PLD5: variants seen among roughly 807,000 people sequenced by gnomAD.
The protein encoded by PLD5 is inactive phospholipase D5.
In PLD5, 36 loss-of-function variants were observed where a neutral mutation model predicts 61.1. That is an observed-to-expected ratio of 0.59 (90% CI 0.45 to 0.78). The LOEUF (loss-of-function observed/expected upper bound fraction) is 0.78, where lower values mean the gene tolerates loss of function less well. Among genes scored for constraint, PLD5 ranks in the 30% least tolerant of loss-of-function variants. The pLI is 0.00. For synonymous variants in PLD5, 243 were observed against 242.8 expected (o/e 1.00, Z -0.01); for missense variants, 515 against 644.4 (o/e 0.80, Z 2.17).
chr1:242,372,004 T>C (rs971254566), intron 1 of PLD5, among the ~76,000 whole-genome samples: 1 of 152,096 alleles, frequency 6.6e-6, no homozygotes, highest in Non-Finnish European at 1.5e-5. Context: ...CTCCTAATGC[T>C]ATCCCTCCTA....
At position 242,395,567 on chromosome 1, in the gene PLD5, T is replaced by C. The variant is rs573804494; in HGVS notation, c.190-47325A>G. The stretch of plus-strand genomic sequence containing the variant: ...ACAAGCAAATCATTTGTACTAACTA[T>C]TGGAGATATTGCAAGGTTTAGAGGG... On this transcript the variant is annotated intron_variant, in intron 1 of 9. Coordinates refer to ENST00000536534, the MANE Select transcript of PLD5 (RefSeq NM_001372062.1). Among the ~76,000 whole-genome samples the C allele has an allele frequency of 2.6e-5, 4 of 152,268 alleles. No homozygotes were observed. In the South Asian group the frequency reaches 8.3e-4, roughly 32 times the overall value.
At chr1:242,104,533 G>C (rs1660905790) in intron 8 of PLD5, among the ~76,000 whole-genome samples, 1 of 152,164 alleles carries the variant, frequency 6.6e-6, no homozygotes, top group African/African-American at 2.4e-5. Context: ...ATGTTTAAGA[G>C]CTCAGGTTCT....
At chr1:242,464,867 G>A (rs1667226346) in intron 1 of PLD5, among the ~76,000 whole-genome samples, 1 of 152,176 alleles carries the variant, frequency 6.6e-6, no homozygotes, top group Admixed American at 6.5e-5. Flanking sequence ...AGACTTTGAA[G>A]ACATTATGCT....
At chr1:242,445,761 CT>C (rs759465537) in intron 1 of PLD5, among the ~76,000 whole-genome samples, 1,734 of 129,660 alleles carry the variant, frequency 0.013, 18 homozygotes, top group Middle Eastern at 0.03. Flanking sequence ...TTATTCACTT[CT>C]TTTTTTTTTT....
intron 1 of PLD5, among the ~76,000 whole-genome samples, chr1:242,475,110 C>T (rs1317644979): frequency 2.0e-5 from 3 of 152,178 alleles, no homozygotes; most frequent in African/African-American, 7.2e-5. Flanking sequence ...TATCTATCTC[C>T]CCTTGGTGTC....
chr1:242,122,005 G>T lies in PLD5; in HGVS notation c.933+2463C>A, dbSNP rs141056315. Among the ~76,000 whole-genome samples, 1,164 of 151,820 alleles carry T rather than the reference G, an allele frequency of 7.7e-3. 50 individuals carry two copies. The highest frequency in any genetic ancestry group is 0.06 in the Admixed American group (913 of 15,232). ...CACCTAATGTAAATATGAGTTAGTGGGTGCAGCACACCAACATGGCACATG... is the reference window on the plus strand; with the variant it reads ...CACCTAATGTAAATATGAGTTAGTGTGTGCAGCACACCAACATGGCACATG... On this transcript the variant is annotated intron_variant, in intron 6 of 9. Transcript: ENST00000536534.
intron 1 of PLD5, among the ~76,000 whole-genome samples, chr1:242,392,237 C>A (rs774792252): frequency 1.3e-5 from 2 of 152,094 alleles, no homozygotes; most frequent in Admixed American, 6.5e-5. Flanking sequence ...ATGGCAACAA[C>A]AGATGCTGGT....
Position 242,158,649 on chromosome 1 carries a change from T to C in PLD5, c.736-33984A>G, listed in dbSNP as rs576977711. 2.6e-5 allele frequency among the ~76,000 whole-genome samples: 4 copies of C among 152,244 alleles called. No homozygotes were observed. In the South Asian group the frequency reaches 8.3e-4, roughly 32 times the overall value. ...CTCACCCTCCATGGGCTGCACCCAC[T>C]GTCCAACCAATCCCAGTGAGATGAA... On this transcript the variant is annotated intron_variant, in intron 5 of 9. Coordinates refer to ENST00000536534, the MANE Select transcript of PLD5 (RefSeq NM_001372062.1).
At chr1:242,278,193 A>G (rs574249917) in intron 3 of PLD5, among the ~76,000 whole-genome samples, 1 of 152,262 alleles carries the variant, frequency 6.6e-6, no homozygotes, top group South Asian at 2.1e-4. Context: ...GACCTATTCG[A>G]GTGAAAGTAC....
chr1:242,391,872 C>T (rs1434681179), intron 1 of PLD5, among the ~76,000 whole-genome samples: 1 of 152,172 alleles, frequency 6.6e-6, no homozygotes, highest in Non-Finnish European at 1.5e-5. Context: ...GAACTTAAAA[C>T]AGAACCACCA....
At chr1:242,260,967 T>C (rs1324732718) in intron 4 of PLD5, among the ~76,000 whole-genome samples, 1 of 152,216 alleles carries the variant, frequency 6.6e-6, no homozygotes, top group East Asian at 1.9e-4. Flanking sequence ...TCCATGTCAA[T>C]TTTCACCAAG....
At chr1:242,422,697 C>T (rs369423183) in intron 1 of PLD5, among the ~76,000 whole-genome samples, 2 of 152,262 alleles carry the variant, frequency 1.3e-5, no homozygotes, top group African/African-American at 2.4e-5. Flanking sequence ...GTCTTTGGGG[C>T]GCAATGTTAG....
At chr1:242,112,832 A>G (rs1341803719) in intron 7 of PLD5, among the ~76,000 whole-genome samples, 2 of 152,192 alleles carry the variant, frequency 1.3e-5, no homozygotes, top group Non-Finnish European at 2.9e-5. Context: ...GGATCAAACT[A>G]ATTATTCAAG....
At position 242,166,773 on chromosome 1, in the gene PLD5, A is replaced by G. The variant is rs186501301; in HGVS notation, c.736-42108T>C. 1.4e-3 allele frequency among the ~76,000 whole-genome samples: 210 copies of G among 152,300 alleles called. 2 individuals are homozygous for G. The highest frequency in any genetic ancestry group is 4.6e-3 in the African/African-American group (193 of 41,560). The stretch of plus-strand genomic sequence containing the variant: ...CATTTTACTTGAAGTTACTGACCAA[A>G]TAGATGCTGACTGATAACATAGTTT... On this transcript the variant is annotated intron_variant, in intron 5 of 9. Coordinates refer to ENST00000536534, the MANE Select transcript of PLD5 (RefSeq NM_001372062.1).
intron 1 of PLD5, among the ~76,000 whole-genome samples, chr1:242,514,643 CTGT>C (rs906138958): frequency 1.4e-4 from 21 of 152,178 alleles, no homozygotes; most frequent in African/African-American, 5.1e-4. Context: ...ATCTTCCCTC[CTGT>C]TGAATAAAAT....
At chr1:242,373,613 T>C (rs1572003080) in intron 1 of PLD5, among the ~76,000 whole-genome samples, 1 of 152,268 alleles carries the variant, frequency 6.6e-6, no homozygotes, top group Admixed American at 6.5e-5. Context: ...TGGAATACTA[T>C]GCAGCCATAA....
chr1:242,170,560 T>C (rs966458969), intron 5 of PLD5, among the ~76,000 whole-genome samples: 2 of 152,188 alleles, frequency 1.3e-5, no homozygotes, highest in Non-Finnish European at 2.9e-5. Context: ...ATGAGTTTGA[T>C]GAATTGACAT....
At chr1:242,384,714 G>T (rs1195002630) in intron 1 of PLD5, among the ~76,000 whole-genome samples, 2 of 152,140 alleles carry the variant, frequency 1.3e-5, no homozygotes, top group Admixed American at 1.3e-4. Flanking sequence ...AGTTCTCTTG[G>T]TGTGATTGGG....
chr1:242,309,866 G>T (rs1182913171), intron 2 of PLD5, among the ~76,000 whole-genome samples: 1 of 146,770 alleles, frequency 6.8e-6, no homozygotes, highest in Non-Finnish European at 1.5e-5. Flanking sequence ...AATTTATTGA[G>T]TTTTTTTATT....
Sources: allele counts gnomAD v4.1 joint callset (sites outside exome capture counted in the v4.1 genomes callset), GRCh38; gene constraint gnomAD v4.1.1; transcripts MANE v1.5; gene names NCBI Gene and HGNC (gene_info 2026-07-23, HGNC 2026-07-21).